The following ARFGEF3 variants were observed in gnomAD, a reference collection of about 807,000 sequenced individuals.
ARFGEF3 encodes ARFGEF family member 3.
In ARFGEF3, 96 loss-of-function variants were observed where a neutral mutation model predicts 221.7. That is an observed-to-expected ratio of 0.43 (90% confidence interval 0.37 to 0.51). The LOEUF (loss-of-function observed/expected upper bound fraction) is 0.51, where lower values mean the gene tolerates loss of function less well. ARFGEF3 is among the 20% of genes least tolerant of loss of function. The pLI, the probability that ARFGEF3 is intolerant of heterozygous loss-of-function variation, is 0.00. For missense variants in ARFGEF3, 2,410 were observed against 2,789.9 expected (o/e 0.86, Z 3.07); for synonymous variants, 1,145 against 1,126.8 (o/e 1.02, Z -0.32).
chr6:138,212,808 T>C (rs907845670), intron 4 of ARFGEF3, among the ~76,000 whole-genome samples: 5 of 152,074 alleles, frequency 3.3e-5, no homozygotes, highest in Admixed American at 3.3e-4. Flanking sequence ...TTCTCACTTA[T>C]AGGTGGGAAT....
At chr6:138,285,466 A>T (rs964199867) in intron 14 of ARFGEF3, among the ~76,000 whole-genome samples, 3 of 152,060 alleles carry the variant, frequency 2.0e-5, no homozygotes, top group Non-Finnish European at 4.4e-5. Flanking sequence ...AAAAAAAAAA[A>T]AAAAAATTAT....
chr6:138,265,734 T>C (rs1583039676), intron 12 of ARFGEF3, among the ~76,000 whole-genome samples: 1 of 152,288 alleles, frequency 6.6e-6, no homozygotes, highest in East Asian at 1.9e-4. Flanking sequence ...TCCCAAGATA[T>C]GTACAGCTTA....
Position 138,262,982 on chromosome 6 carries a change from G to A in ARFGEF3, c.1499G>A (p.Ser500Asn), listed in dbSNP as rs139767701. 1,350 of 1,599,592 alleles carry A rather than the reference G, an allele frequency of 8.4e-4. No homozygotes were observed. The highest frequency in any genetic ancestry group is 1.0e-3 in the Non-Finnish European group (1,205 of 1,173,156). Residue 500 changes from serine (S) to asparagine (N), a missense_variant, in exon 12 of 34, where the codon AGC (serine) becomes AAC (asparagine). This residue lies in a region of ARFGEF3 where 594 missense variants were observed against 734.3 expected (regional missense o/e 0.81). Coordinates refer to ENST00000251691, the MANE Select transcript of ARFGEF3 (RefSeq NM_020340.5). Reference sequence around the variant, plus strand: ...CCGTGGGAGTCAGGGAACGAGAGGAGCCTTGACATCAGCATCAGTGTCACC... The same window carrying A: ...CCGTGGGAGTCAGGGAACGAGAGGAACCTTGACATCAGCATCAGTGTCACC... ...HTPWESGNER[S>N]LDISISVTTD... is the part of the protein sequence containing the mutation.
intron 24 of ARFGEF3, 89 bp downstream of exon 24, chr6:138,308,950 C>A: frequency 1.3e-6 from 2 of 1,502,248 alleles, no homozygotes; most frequent in South Asian, 1.2e-5. Context: ...TACTGACTGT[C>A]TGGAACAAGC....
intron 8 of ARFGEF3, among the ~76,000 whole-genome samples, chr6:138,249,838 C>T (rs1192103427): frequency 2.0e-5 from 3 of 152,124 alleles, no homozygotes; most frequent in African/African-American, 7.2e-5. Context: ...TTTGCCATCA[C>T]GACTCCATTA....
rs538674732 is a variant in ARFGEF3 at position 138,233,198 on chromosome 6, A to T, written c.420+3346A>T. Among the ~76,000 whole-genome samples the T allele has an allele frequency of 8.3e-4, 127 of 152,218 alleles. No individual in the cohort carries two copies. In the Middle Eastern group the frequency reaches 0.01, roughly 12 times the overall value. On this transcript the variant is annotated intron_variant, in intron 5 of 33. Coordinates refer to ENST00000251691, the MANE Select transcript of ARFGEF3 (RefSeq NM_020340.5). ...GGATAGTGTATCTTTTCTGAGCATT[A>T]TATATAACACATCAGAGGATGGGAG...
chr6:138,240,258 T>C (rs917082685), intron 6 of ARFGEF3, among the ~76,000 whole-genome samples: 1 of 152,182 alleles, frequency 6.6e-6, no homozygotes, highest in Non-Finnish European at 1.5e-5. Context: ...TCTAAGATGT[T>C]GAGAAATCTT....
At chr6:138,301,621 T>C (rs1002761763) in intron 22 of ARFGEF3, among the ~76,000 whole-genome samples, 1 of 152,178 alleles carries the variant, frequency 6.6e-6, no homozygotes, top group African/African-American at 2.4e-5. Flanking sequence ...CAGAGATTCA[T>C]AGAGGGACCA....
intron 12 of ARFGEF3, among the ~76,000 whole-genome samples, chr6:138,274,823 C>CCTTG (rs1261558735): frequency 2.1e-5 from 3 of 145,006 alleles, no homozygotes; most frequent in Non-Finnish European, 4.5e-5. Context: ...TGCACCTCAG[C>CCTTG]CTTGCCAGGC....
chr6:138,252,782 T>G (rs1169354009), intron 8 of ARFGEF3, among the ~76,000 whole-genome samples: 1 of 152,218 alleles, frequency 6.6e-6, no homozygotes, highest in Non-Finnish European at 1.5e-5. Context: ...CTGAGTGAAC[T>G]CTCTAAAAAA....
chr6:138,309,939 C>T (rs1779795796), intron 24 of ARFGEF3, among the ~76,000 whole-genome samples: 1 of 152,202 alleles, frequency 6.6e-6, no homozygotes, highest in African/African-American at 2.4e-5. Flanking sequence ...CCAGAACCAA[C>T]CTCACAGACA....
At chr6:138,288,159 G>A (rs1387659698) in intron 17 of ARFGEF3, among the ~76,000 whole-genome samples, 1 of 152,174 alleles carries the variant, frequency 6.6e-6, no homozygotes, top group African/African-American at 2.4e-5. Flanking sequence ...CGAGGAAAGC[G>A]GATCACTTGA....
At position 138,286,174 on chromosome 6, in the gene ARFGEF3, G is replaced by A. The variant is rs116801263; in HGVS notation, c.2569+121G>A. 1,161 of 687,384 alleles carry A rather than the reference G, an allele frequency of 1.7e-3. 9 individuals are homozygous for A. In the African/African-American group the frequency reaches 0.019, roughly 11 times the overall value. The allele number at this position is 687,384 out of a possible 1,614,324, so 42.6% of individuals were successfully genotyped here. A position where few individuals can be genotyped will look rare whatever the true frequency, so the allele number is the denominator to read the frequency against. On this transcript the variant is annotated intron_variant, in intron 15 of 33. Transcript: ENST00000251691. ...TTGGTTAGAAAAAGTAATTGGGCCG[G>A]GCCCGGTGGCTCACGCCTGTAATCC...
At chr6:138,218,169 G>A in intron 4 of ARFGEF3, 1 of 1,613,938 alleles carries the variant, frequency 6.2e-7, no homozygotes, top group South Asian at 1.1e-5. Flanking sequence ...TGCATGGTGT[G>A]ACTGTTCTAT....
At chr6:138,202,818 CTCAATT>C (rs1489724168) in intron 2 of ARFGEF3, among the ~76,000 whole-genome samples, 13 of 151,858 alleles carry the variant, frequency 8.6e-5, no homozygotes, top group African/African-American at 3.1e-4. Flanking sequence ...AATATTGGTC[CTCAATT>C]TCAACAATAG....
rs1277044454 is a variant in ARFGEF3, at chr6:138,334,386, G to A, written c.5540G>A (p.Arg1847Lys). Residue 1847 changes from arginine to lysine, a missense_variant, in exon 33 of 34, where the codon AGA becomes AAA. Physicochemically the swap from Arg to Lys is conservative, Grantham distance 26. Coordinates refer to ENST00000251691, the MANE Select transcript of ARFGEF3 (RefSeq NM_020340.5). This position sits in a 1 kb window ranked among gnomAD's most constrained non-coding sequence, Gnocchi z 5.1. The part of the protein sequence containing the change: ...VKKVLFEDDE[R>K]STDSSQQCSS... ...AAGGTCCTTTTTGAGGACGACGAGA[G>A]AAGCACGGATTCTTCCCAGCAGTGT... is the stretch of plus-strand genomic sequence containing the variant. The A allele has an allele frequency of 6.2e-7, 1 of 1,613,152 alleles. No homozygotes were observed. The highest frequency in any genetic ancestry group is 1.3e-5 in the African/African-American group (1 of 74,892).
chr6:138,286,374 C>T (rs1315396816), intron 15 of ARFGEF3, among the ~76,000 whole-genome samples: 3 of 149,452 alleles, frequency 2.0e-5, no homozygotes, highest in Non-Finnish European at 3.0e-5. Context: ...GGCATGAACC[C>T]GGGAGGCGGA....
intron 22 of ARFGEF3, among the ~76,000 whole-genome samples, chr6:138,300,964 CG>C (rs1779618975): frequency 6.6e-6 from 1 of 152,114 alleles, no homozygotes; most frequent in Non-Finnish European, 1.5e-5. Context: ...GCAGGTGCAA[CG>C]TTTGCATTCA....
intron 12 of ARFGEF3, among the ~76,000 whole-genome samples, chr6:138,264,976 T>G (rs1050679260): frequency 6.6e-6 from 1 of 150,378 alleles, no homozygotes; most frequent in Non-Finnish European, 1.5e-5. Context: ...CAATCTCGGC[T>G]CACTGCAAGC....
Sources: gnomAD v4.1 joint callset for allele counts (sites outside exome capture counted in the v4.1 genomes callset) on GRCh38, gnomAD v4.1.1 for gene constraint, gnomAD v4.1.1 regional missense constraint, Gnocchi (gnomAD v3.1) non-coding constraint, MANE v1.5 for transcripts, NCBI Gene and HGNC (gene_info 2026-07-23, HGNC 2026-07-21) for gene names.